Variants in ASXL1 observed in about 807,000 individuals in gnomAD.
ASXL1 encodes the protein ASXL transcriptional regulator 1, also known as polycomb group protein ASXL1.
In ASXL1, 65 loss-of-function variants were observed where a neutral mutation model predicts 89.1. The ratio of observed to expected loss-of-function variants is 0.73; its 90% CI spans 0.60 to 0.90. The LOEUF is 0.90. Ranked by LOEUF, ASXL1 falls within the 40% of genes least tolerant of loss-of-function variation. The probability of loss-of-function intolerance (pLI) is 0.00; values close to 1 mark genes in which losing one functional copy is unlikely to be tolerated. For missense variants in ASXL1, 1,786 were observed against 1,942.9 expected, an observed-to-expected ratio of 0.92 and a Z score of 1.52; for synonymous variants, 739 against 746.9, an observed-to-expected ratio of 0.99 and a Z score of 0.17.
chr20:32,385,741 C>T (rs2048568490), intron 4 of ASXL1, among the ~76,000 whole-genome samples: 2 of 152,156 alleles, frequency 1.3e-5, no homozygotes, highest in Non-Finnish European at 2.9e-5. Context: ...CCTTACGATC[C>T]AGTGCTTTGC....
chr20:32,392,435 A>G (rs2048689460), intron 4 of ASXL1, among the ~76,000 whole-genome samples: 1 of 151,388 alleles, frequency 6.6e-6, no homozygotes, highest in East Asian at 2.0e-4. Flanking sequence ...GGTGCCTGCC[A>G]CCATGCCCAG....
intron 4 of ASXL1, among the ~76,000 whole-genome samples, chr20:32,390,567 G>A (rs1184679619): frequency 6.6e-6 from 1 of 151,778 alleles, no homozygotes; most frequent in African/African-American, 2.4e-5. Flanking sequence ...CAAACTCCTG[G>A]CCTTAAGTGC....
intron 1 of ASXL1, among the ~76,000 whole-genome samples, chr20:32,364,248 C>T (rs1188311143): frequency 6.6e-6 from 1 of 152,180 alleles, no homozygotes; most frequent in Non-Finnish European, 1.5e-5. Flanking sequence ...CAGGGTCTCA[C>T]TCTGTCACCC....
In ASXL1 at chr20:32,429,474, T is replaced by C; in HGVS notation, c.565+43T>C. The C allele has an allele frequency of 2.5e-6, 4 of 1,570,046 alleles. No homozygotes were observed. Among genetic ancestry groups the C allele is most frequent in the Non-Finnish European group, 3.5e-6 (4 of 1,140,050 alleles). On this transcript the variant is annotated intron_variant, in intron 7 of 12. Coordinates refer to ENST00000375687, the MANE Select transcript of ASXL1 (RefSeq NM_015338.6). This position sits in a 1 kb window ranked among gnomAD's most constrained non-coding sequence, Gnocchi z 4.9. ...GTTGTGATGCTTTTTCCTCAGGTCCTGGGGACCTGGCCTCCCTCTGTCAGC... is the reference window on the plus strand; with the variant it reads ...GTTGTGATGCTTTTTCCTCAGGTCCCGGGGACCTGGCCTCCCTCTGTCAGC...
chr20:32,402,104 G>T (rs978718456), intron 4 of ASXL1, among the ~76,000 whole-genome samples: 2 of 152,140 alleles, frequency 1.3e-5, no homozygotes, highest in East Asian at 3.9e-4. Context: ...TTTTTAACTC[G>T]GCAAAATGCC....
chr20:32,395,281 A>G (rs1292600667), intron 4 of ASXL1, among the ~76,000 whole-genome samples: 3 of 152,148 alleles, frequency 2.0e-5, no homozygotes, highest in Non-Finnish European at 4.4e-5. Context: ...TTGATACAGA[A>G]TTCTAGGTTG....
chr20:32,367,720 C>A lies in ASXL1; in HGVS notation c.141-7C>A. On this transcript the variant is annotated splice_polypyrimidine_tract_variant and splice_region_variant and intron_variant, in intron 2 of 12. Transcript: ENST00000375687. ...TCTGCACTGCTGTTGGACCACTTTG[C>A]CTATAGAAGGTAAATGAGTCCCTTT... is the stretch of plus-strand genomic sequence containing the variant. 1 of 780,798 alleles carries A rather than the reference C, an allele frequency of 1.3e-6. No individual in the cohort carries two copies. The allele number at this position is 780,798 out of a possible 1,614,324, so 48.4% of individuals were successfully genotyped here.
rs546966008 is a variant in ASXL1, at chr20:32,430,164, G to T, written c.718+111G>T. The stretch of plus-strand genomic sequence containing the variant: ...TTTACCAGTTTATTTTTACTTCTTG[G>T]GTGGCCCTCTATTTTTTGTTTATTT... On this transcript the variant is annotated intron_variant, in intron 8 of 12. Coordinates refer to ENST00000375687, the MANE Select transcript of ASXL1 (RefSeq NM_015338.6). The T allele has an allele frequency of 4.4e-6, 6 of 1,364,072 alleles. No homozygotes were observed. In the East Asian group the frequency reaches 1.3e-4, roughly 29 times the overall value. 84.5% of individuals were successfully genotyped at this position (1,364,072 alleles called of 1,614,324 possible). A position where few individuals can be genotyped will look rare whatever the true frequency, so the allele number is the denominator to read the frequency against.
chr20:32,411,031 CAAAA>C (rs1257482301), intron 4 of ASXL1, among the ~76,000 whole-genome samples: 1 of 27,682 alleles, frequency 3.6e-5, no homozygotes, highest in Non-Finnish European at 7.7e-5. Context: ...GACTCTGTCT[CAAAA>C]AAAAAAAAAA....
chr20:32,435,135 C>A lies in ASXL1; in HGVS notation c.2423C>A (p.Pro808His), dbSNP rs141610022. ...SDDEEQGPTV[P>H]ADNGPIPSLV... ...GATGAGGAGCAAGGACCCACCGTTC[C>A]TGCAGACAATGGTCCCATTCCGTCT... Residue 808 changes from proline (P) to histidine (H), a missense_variant, in exon 13 of 13, where the codon CCT becomes CAT. Coordinates refer to ENST00000375687, the MANE Select transcript of ASXL1 (RefSeq NM_015338.6). 223 of 1,613,960 alleles carry A rather than the reference C, an allele frequency of 1.4e-4. 1 individual carries two copies. The Middle Eastern group carries it at 3.6e-3, about 26-fold the overall frequency.
chr20:32,430,140 T>C, intron 8 of ASXL1, 87 bp downstream of exon 8: 1 of 1,475,942 alleles, frequency 6.8e-7, no homozygotes, highest in Non-Finnish European at 9.0e-7. Flanking sequence ...TCCAATTCCT[T>C]TACCAGTTTA....
At chr20:32,386,254 C>T (rs1035869035) in intron 4 of ASXL1, among the ~76,000 whole-genome samples, 2 of 152,158 alleles carry the variant, frequency 1.3e-5, no homozygotes, top group Non-Finnish European at 2.9e-5. Context: ...CAGCAGTTCT[C>T]AGTGCCAACA....
chr20:32,370,965 TA>T (rs776902032), intron 4 of ASXL1, among the ~76,000 whole-genome samples: 5,325 of 87,346 alleles, frequency 0.061, 420 homozygotes, highest in African/African-American at 0.21. Flanking sequence ...TTGTCTCTAT[TA>T]AAAAAAAAAA....
intron 4 of ASXL1, among the ~76,000 whole-genome samples, chr20:32,397,197 C>G (rs1417249128): frequency 7.6e-6 from 1 of 132,148 alleles, no homozygotes; most frequent in African/African-American, 2.7e-5. Flanking sequence ...GGGGTAAGCC[C>G]CCATGCCTGG....
intron 4 of ASXL1, among the ~76,000 whole-genome samples, chr20:32,378,891 G>T (rs1409126331): frequency 6.6e-6 from 1 of 151,958 alleles, no homozygotes; most frequent in African/African-American, 2.4e-5. Flanking sequence ...ACTTTGGGAG[G>T]CGGAGGCGGG....
chr20:32,377,197 T>C (rs2048401170), intron 4 of ASXL1, among the ~76,000 whole-genome samples: 1 of 143,694 alleles, frequency 7.0e-6, no homozygotes, highest in African/African-American at 2.6e-5. Context: ...GATATATCTA[T>C]GTATATTATA....
At chr20:32,414,576 GGCCTCTTTGA>G (rs1219580622) in intron 4 of ASXL1, among the ~76,000 whole-genome samples, 1 of 151,708 alleles carries the variant, frequency 6.6e-6, no homozygotes, top group Non-Finnish European at 1.5e-5. Flanking sequence ...GTTTGTTTTG[GGCCTCTTTGA>G]GAACATTTAC....
In ASXL1 at chr20:32,358,770, A is replaced by G. The variant is rs1600455123; in HGVS notation, c.-6A>G. ...CGTGGAGCTGCCGCCGCCGCCGGGG[A>G]GAAGGATGAAGGACAAACAGAAGAA... On this transcript the variant is annotated 5_prime_UTR_variant, in exon 1 of 13. Coordinates refer to ENST00000375687, the MANE Select transcript of ASXL1 (RefSeq NM_015338.6). 1.8e-6 allele frequency: 2 copies of G among 1,137,442 alleles called. No homozygotes were observed. Among genetic ancestry groups the G allele is most frequent in the Non-Finnish European group, 1.2e-6 (1 of 858,538 alleles). 70.5% of individuals were successfully genotyped at this position (1,137,442 alleles called of 1,614,324 possible).
chr20:32,386,976 C>G (rs1225476111), intron 4 of ASXL1, among the ~76,000 whole-genome samples: 1 of 151,986 alleles, frequency 6.6e-6, no homozygotes, highest in Non-Finnish European at 1.5e-5. Context: ...TGTTCTGATA[C>G]TGTCAGTATT....
Sources: gnomAD v4.1 joint callset for allele counts (sites outside exome capture counted in the v4.1 genomes callset) on GRCh38, gnomAD v4.1.1 for gene constraint, Gnocchi (gnomAD v3.1) non-coding constraint, MANE v1.5 for transcripts, NCBI Gene and HGNC (gene_info 2026-07-23, HGNC 2026-07-21) for gene names.